RBFOX1: variants seen among roughly 807,000 people sequenced by gnomAD.
RBFOX1 encodes the protein RNA binding fox-1 homolog 1, also known as RNA binding protein fox-1 homolog 1.
In RBFOX1, 8 loss-of-function variants were observed where a neutral mutation model predicts 57.7. That is an observed-to-expected ratio of 0.14 (90% confidence interval 0.08 to 0.25). The LOEUF is 0.25. Among genes scored for constraint, RBFOX1 ranks in the 10% least tolerant of loss-of-function variants. The pLI is 1.00. For missense variants in RBFOX1, 611 were observed against 548.5 expected (o/e 1.11, Z -1.14); for synonymous variants, 326 against 222.4 (o/e 1.47, Z -4.15).
At chr16:5,884,328 A>G (rs570872476) in intron 4 of RBFOX1, among the ~76,000 whole-genome samples, 2 of 152,264 alleles carry the variant, frequency 1.3e-5, no homozygotes, top group Non-Finnish European at 2.9e-5. Flanking sequence ...GTGATTAAAA[A>G]ATGATAGTGT....
At chr16:7,584,416 C>G (rs1222981664) in intron 6 of RBFOX1, among the ~76,000 whole-genome samples, 1 of 152,148 alleles carries the variant, frequency 6.6e-6, no homozygotes, top group African/African-American at 2.4e-5. Flanking sequence ...CCTCAGCATC[C>G]CAAGTAACTG....
At chr16:6,298,323 T>C (rs1351275422) in intron 1 of RBFOX1, among the ~76,000 whole-genome samples, 1 of 152,166 alleles carries the variant, frequency 6.6e-6, no homozygotes, top group Non-Finnish European at 1.5e-5. Flanking sequence ...CCCTGGCTTG[T>C]TTTTGCTTTC....
chr16:6,381,484 C>T (rs141304122), intron 2 of RBFOX1, among the ~76,000 whole-genome samples: 6 of 152,252 alleles, frequency 3.9e-5, no homozygotes, highest in South Asian at 2.1e-4. Flanking sequence ...GAGTGATCAG[C>T]GCTGATAGAG....
intron 10 of RBFOX1, among the ~76,000 whole-genome samples, chr16:7,613,656 A>C (rs2057946600): frequency 6.6e-6 from 1 of 152,270 alleles, no homozygotes; most frequent in African/African-American, 2.4e-5. Flanking sequence ...TGTGGGCTAG[A>C]GTGAACCATG....
chr16:5,812,458 CTT>C (rs35251301), intron 3 of RBFOX1, among the ~76,000 whole-genome samples: 147 of 135,494 alleles, frequency 1.1e-3, no homozygotes, highest in Middle Eastern at 3.6e-3. Flanking sequence ...GTCTTTTTCT[CTT>C]TTTTTTTTTT....
intron 3 of RBFOX1, among the ~76,000 whole-genome samples, chr16:6,941,348 T>TTCCTTCCC: frequency 1.5e-5 from 2 of 134,804 alleles, no homozygotes; most frequent in African/African-American, 5.5e-5. Context: ...CCTTCCTTCC[T>TTCCTTCCC]TCCTTCCTTC....
intron 1 of RBFOX1, among the ~76,000 whole-genome samples, chr16:6,082,444 C>T (rs2096017864): frequency 7.5e-6 from 1 of 132,710 alleles, no homozygotes; most frequent in South Asian, 2.5e-4. Context: ...GCTGGGATTA[C>T]AGGTTTGAGC....
At chr16:7,380,679 C>G (rs560863770) in intron 4 of RBFOX1, among the ~76,000 whole-genome samples, 2 of 152,320 alleles carry the variant, frequency 1.3e-5, no homozygotes, top group Admixed American at 6.5e-5. Flanking sequence ...TTTGCTAGGA[C>G]GATAACCCAG....
intron 2 of RBFOX1, among the ~76,000 whole-genome samples, chr16:5,592,537 C>G (rs761889220): frequency 6.6e-6 from 1 of 152,100 alleles, no homozygotes; most frequent in Non-Finnish European, 1.5e-5. Flanking sequence ...CTGCCTCAGC[C>G]TCCCCGGTAG....
rs552184929 is a variant in RBFOX1, at chr16:7,013,332, A to G, written c.-15-38725A>G. On this transcript the variant is annotated intron_variant, in intron 3 of 15. Coordinates refer to ENST00000550418, the MANE Select transcript of RBFOX1 (RefSeq NM_018723.4). ...TAACTCAGTGTTCTGCTCATGTTAT[A>G]CGTGCAATAAACATAAACCAGTCCC... Among the ~76,000 whole-genome samples, 11 of 152,310 alleles carry G rather than the reference A, an allele frequency of 7.2e-5. 1 individual carries two copies. Among genetic ancestry groups the G allele is most frequent in the Admixed American group, 5.2e-4 (8 of 15,296 alleles).
chr16:7,527,691 A>G (rs1248772724), intron 5 of RBFOX1, among the ~76,000 whole-genome samples: 2 of 152,184 alleles, frequency 1.3e-5, no homozygotes, highest in African/African-American at 4.8e-5. Flanking sequence ...TGTGAGGCTT[A>G]GAGTTGTTGT....
chr16:5,357,144 G>A (rs1225131682), intron 1 of RBFOX1, among the ~76,000 whole-genome samples: 1 of 152,160 alleles, frequency 6.6e-6, no homozygotes, highest in Non-Finnish European at 1.5e-5. Context: ...CACCTCTTGG[G>A]CTCACTGCTC....
intron 2 of RBFOX1, among the ~76,000 whole-genome samples, chr16:6,516,954 T>C (rs2096391521): frequency 1.3e-5 from 2 of 152,156 alleles, no homozygotes; most frequent in African/African-American, 4.8e-5. Context: ...ACAAATATGC[T>C]CTGGGGGCAG....
intron 4 of RBFOX1, among the ~76,000 whole-genome samples, chr16:5,949,856 AG>A (rs2059485079): frequency 6.6e-6 from 1 of 152,196 alleles, no homozygotes; most frequent in Admixed American, 6.5e-5. Context: ...CAAGCCCTGC[AG>A]GGGATTCTGA....
intron 4 of RBFOX1, among the ~76,000 whole-genome samples, chr16:7,077,731 C>T (rs949677390): frequency 6.6e-6 from 1 of 152,146 alleles, no homozygotes; most frequent in Non-Finnish European, 1.5e-5. Flanking sequence ...TGGGGTTGTG[C>T]AAGTATTAGT....
At chr16:6,675,826 C>A (rs1348759889) in intron 3 of RBFOX1, among the ~76,000 whole-genome samples, 1 of 152,080 alleles carries the variant, frequency 6.6e-6, no homozygotes, top group Non-Finnish European at 1.5e-5. Flanking sequence ...TCCCACCAGG[C>A]CCCTCCCACA....
At chr16:7,391,440 A>G (rs911995762) in intron 4 of RBFOX1, among the ~76,000 whole-genome samples, 3 of 152,182 alleles carry the variant, frequency 2.0e-5, no homozygotes, top group Non-Finnish European at 2.9e-5. Context: ...GAGCTCTGCT[A>G]TGATTTTCTC....
intron 2 of RBFOX1, among the ~76,000 whole-genome samples, chr16:6,565,613 G>A (rs1281343102): frequency 1.3e-5 from 2 of 150,782 alleles, no homozygotes; most frequent in Non-Finnish European, 2.9e-5. Context: ...AACTACAGGA[G>A]CCTGCTACCA....
chr16:5,542,598 A>G (rs1295006893), intron 2 of RBFOX1, among the ~76,000 whole-genome samples: 2 of 152,046 alleles, frequency 1.3e-5, no homozygotes, highest in Non-Finnish European at 2.9e-5. Flanking sequence ...TTGCATTTCA[A>G]TCTAGTACAA....
Sources: allele counts gnomAD v4.1 joint callset (sites outside exome capture counted in the v4.1 genomes callset), GRCh38; gene constraint gnomAD v4.1.1; transcripts MANE v1.5; gene names NCBI Gene and HGNC (gene_info 2026-07-23, HGNC 2026-07-21).